USP8: variants seen among roughly 807,000 people sequenced by gnomAD.
USP8 encodes ubiquitin specific peptidase 8.
In USP8, 27 loss-of-function variants were observed where a neutral mutation model predicts 130.0. That is an observed-to-expected ratio of 0.21 (90% confidence interval 0.15 to 0.29). USP8 has a LOEUF of 0.29. Among genes scored for constraint, USP8 ranks in the 10% least tolerant of loss-of-function variants. The pLI is 1.00. For synonymous variants in USP8, 392 were observed against 444.1 expected (o/e 0.88, Z 1.48); for missense variants, 1,029 against 1,312.2 (o/e 0.78, Z 3.33).
chr15:50,465,013 T>C, intron 6 of USP8, 34 bp from the exon 7 acceptor site: 1 of 1,608,584 alleles, frequency 6.2e-7, no homozygotes, highest in Non-Finnish European at 8.5e-7. Context: ...TTGTGCTGTT[T>C]CTTGTCACTT....
rs568834486 is a variant in USP8, at chr15:50,502,066, T to C, written c.*2978T>C. ...TGTTTGGCCTTTAACAGAATAAGTT[T>C]GCTGACCTCTGCTGTAGAGGAAGAA... On this transcript the variant is annotated 3_prime_UTR_variant, in exon 20 of 20. Transcript: ENST00000307179. The C allele has an allele frequency of 6.6e-6, 1 of 152,356 alleles. No homozygotes were observed. Among genetic ancestry groups the C allele is most frequent in the Admixed American group, 6.5e-5 (1 of 15,294 alleles). 9.4% of individuals were successfully genotyped at this position (152,356 alleles called of 1,614,324 possible).
chr15:50,495,998 C>T lies in USP8; in HGVS notation c.2809C>T (p.Leu937Phe), dbSNP rs140697398. ...TCAATTCAAATCTACAGTACAGTGC[C>T]TCACATGTCACAAAAAGTCTAGGAC... ...QGQFKSTVQC[L>F]TCHKKSRTFE... Residue 937 changes from leucine (L) to phenylalanine (F), a missense_variant, in exon 17 of 20, where the codon CTC becomes TTC. This residue lies in a region of USP8 where 257 missense variants were observed against 429.8 expected (regional missense o/e 0.60). Transcript: ENST00000307179. 2.5e-6 allele frequency: 4 copies of T among 1,613,812 alleles called. No individual in the cohort carries two copies. Among genetic ancestry groups the T allele is most frequent in the Admixed American group, 3.3e-5 (2 of 59,980 alleles).
chr15:50,480,140 A>G (rs1308069860), intron 10 of USP8, among the ~76,000 whole-genome samples: 2 of 152,208 alleles, frequency 1.3e-5, no homozygotes, highest in African/African-American at 2.4e-5. Flanking sequence ...ACATGTTCTT[A>G]TAAGTTTTTA....
intron 2 of USP8, among the ~76,000 whole-genome samples, chr15:50,439,525 A>C (rs1162792090): frequency 1.3e-5 from 2 of 152,146 alleles, no homozygotes; most frequent in Non-Finnish European, 2.9e-5. Flanking sequence ...GCGGTGGCTC[A>C]CGCTTGTAAT....
chr15:50,447,852 C>T (rs932162276), intron 3 of USP8, among the ~76,000 whole-genome samples: 1 of 152,008 alleles, frequency 6.6e-6, no homozygotes. Context: ...ATCCTCCTGC[C>T]TCTGCCTCCC....
chr15:50,476,754 G>C (rs550378345), intron 8 of USP8, 95 bp from the exon 9 acceptor site: 1 of 1,332,966 alleles, frequency 7.5e-7, no homozygotes, highest in African/African-American at 1.5e-5. Flanking sequence ...GATAAATTTT[G>C]TCCTTAAGGG....
Position 50,504,143 on chromosome 15 carries a change from T to C in USP8, c.*5055T>C, listed in dbSNP as rs904031781. 2.6e-5 allele frequency: 4 copies of C among 152,168 alleles called. No individual in the cohort carries two copies. The allele number at this position is 152,168 out of a possible 1,614,324, so 9.4% of individuals were successfully genotyped here. On this transcript the variant is annotated 3_prime_UTR_variant, in exon 20 of 20. Transcript: ENST00000307179. The stretch of plus-strand genomic sequence containing the variant: ...ATTTTAAAATACAGTGTAACAACTA[T>C]TTACATAGTATTTATATTGTATTAG...
chr15:50,439,308 T>C, intron 2 of USP8, 131 bp downstream of exon 2: 1 of 581,982 alleles, frequency 1.7e-6, no homozygotes, highest in African/African-American at 1.9e-5. Context: ...AGGACCTCCT[T>C]AGAGAAAGTT....
At position 50,496,480 on chromosome 15, in the gene USP8, TAAAAAA is replaced by T. The variant is rs35899607; in HGVS notation, c.2895+411_2895+416del. ...TAGGGGACAGAACAAGACTCCGTCT[TAAAAAA>T]AAAAAAAAAAAAAACCTTTTATCAG... is the stretch of plus-strand genomic sequence containing the variant. On this transcript the variant is annotated intron_variant, in intron 17 of 19. Coordinates refer to ENST00000307179, the MANE Select transcript of USP8 (RefSeq NM_005154.5). Among the ~76,000 whole-genome samples the T allele has an allele frequency of 3.4e-5, 4 of 116,500 alleles. No individual in the cohort carries two copies. In the South Asian group the frequency reaches 8.6e-4, roughly 25 times the overall value. 76.4% of individuals were successfully genotyped at this position (116,500 alleles called of 152,430 possible).
intron 4 of USP8, among the ~76,000 whole-genome samples, chr15:50,454,805 A>G (rs1232727074): frequency 1.3e-5 from 2 of 151,364 alleles, no homozygotes; most frequent in Admixed American, 6.6e-5. Context: ...TTTTGAGACA[A>G]TGTCTCACTC....
chr15:50,460,338 A>T (rs1370284103), intron 5 of USP8, among the ~76,000 whole-genome samples: 7 of 91,298 alleles, frequency 7.7e-5, no homozygotes, highest in Admixed American at 1.6e-4. Flanking sequence ...ACAGAGTTTT[A>T]CTCTGTCGCT....
At chr15:50,454,107 G>A (rs765037161) in intron 4 of USP8, among the ~76,000 whole-genome samples, 7 of 151,928 alleles carry the variant, frequency 4.6e-5, no homozygotes, top group African/African-American at 1.4e-4. Context: ...CAGGTGATCC[G>A]CCTGCCTTGG....
At chr15:50,487,644 A>G (rs1377380222) in intron 12 of USP8, among the ~76,000 whole-genome samples, 2 of 152,242 alleles carry the variant, frequency 1.3e-5, no homozygotes, top group East Asian at 3.8e-4. Context: ...CCCTTCAGGA[A>G]GCAAGGGTAC....
chr15:50,453,860 C>CT (rs71124355), intron 4 of USP8, among the ~76,000 whole-genome samples: 7,161 of 86,662 alleles, frequency 0.083, 1,169 homozygotes, highest in African/African-American at 0.21. Flanking sequence ...TGGGAATATT[C>CT]TTTTTTTTTT....
chr15:50,433,533 TG>T (rs2049994012), intron 1 of USP8, among the ~76,000 whole-genome samples: 1 of 152,226 alleles, frequency 6.6e-6, no homozygotes, highest in Non-Finnish European at 1.5e-5. Flanking sequence ...CTTCACTTTG[TG>T]GTTCCAGTCA....
At chr15:50,473,639 C>T (rs147057924) in intron 8 of USP8, among the ~76,000 whole-genome samples, 60 of 151,366 alleles carry the variant, frequency 4.0e-4, no homozygotes, top group Middle Eastern at 6.9e-3. Flanking sequence ...GCTGGGACTA[C>T]AGGTACGCAC....
chr15:50,432,760 A>T (rs1226252980), intron 1 of USP8, among the ~76,000 whole-genome samples: 1 of 152,214 alleles, frequency 6.6e-6, no homozygotes, highest in Non-Finnish European at 1.5e-5. Flanking sequence ...ACTATGTGTG[A>T]CATAGTCTGA....
chr15:50,483,078 C>T (rs1181242938), intron 11 of USP8, among the ~76,000 whole-genome samples: 1 of 152,190 alleles, frequency 6.6e-6, no homozygotes, highest in East Asian at 1.9e-4. Context: ...CTCCAAGATA[C>T]AATTTAAGTA....
At chr15:50,426,473 G>T (rs1276422243) in intron 1 of USP8, among the ~76,000 whole-genome samples, 1 of 152,196 alleles carries the variant, frequency 6.6e-6, no homozygotes, top group Non-Finnish European at 1.5e-5. Context: ...TTAGCTAAGT[G>T]GTTTTCACCT....
Sources: allele counts gnomAD v4.1 joint callset (sites outside exome capture counted in the v4.1 genomes callset), GRCh38; gene constraint gnomAD v4.1.1; regional missense constraint gnomAD v4.1.1; transcripts MANE v1.5; gene names NCBI Gene and HGNC (gene_info 2026-07-23, HGNC 2026-07-21).